Variants in NPAS3 observed in about 807,000 individuals in gnomAD.
NPAS3 encodes neuronal PAS domain protein 3.
In NPAS3, 14 loss-of-function variants were observed where a neutral mutation model predicts 73.1. The ratio of observed to expected loss-of-function variants is 0.19; its 90% CI spans 0.13 to 0.30. The LOEUF is 0.30. Ranked by LOEUF, NPAS3 falls within the 10% of genes least tolerant of loss-of-function variation. The pLI, the probability that NPAS3 is intolerant of heterozygous loss-of-function variation, is 1.00. For synonymous variants in NPAS3, 620 were observed against 541.5 expected (o/e 1.14, Z -2.01); for missense variants, 1,096 against 1,250.0 (o/e 0.88, Z 1.86).
intron 3 of NPAS3, among the ~76,000 whole-genome samples, chr14:33,256,300 T>C (rs1344616054): frequency 6.6e-6 from 1 of 152,242 alleles, no homozygotes; most frequent in Non-Finnish European, 1.5e-5. Flanking sequence ...TCATAAGTGA[T>C]GCATTTAATC....
chr14:33,657,334 T>C (rs2059172422), intron 5 of NPAS3, among the ~76,000 whole-genome samples: 1 of 152,152 alleles, frequency 6.6e-6, no homozygotes, highest in Admixed American at 6.5e-5. Context: ...ATCAGTTTAA[T>C]CAAACCAACA....
Position 32,943,021 on chromosome 14 carries a change from A to G in NPAS3, c.50+3655A>G, listed in dbSNP as rs189302827. Reference sequence around the variant, plus strand: ...GTTATAATGACCTTTATTATGTAAGACCCTCCCTCATTACAACATCTTTTC... The same window carrying G: ...GTTATAATGACCTTTATTATGTAAGGCCCTCCCTCATTACAACATCTTTTC... On this transcript the variant is annotated intron_variant, in intron 1 of 11. Transcript: ENST00000356141. Among the ~76,000 whole-genome samples, 15 of 152,188 alleles carry G rather than the reference A, an allele frequency of 9.9e-5. No individual in the cohort carries two copies. The East Asian group carries it at 2.7e-3, about 27-fold the overall frequency.
intron 4 of NPAS3, among the ~76,000 whole-genome samples, chr14:33,482,685 G>A (rs975736997): frequency 3.3e-5 from 5 of 151,840 alleles, no homozygotes; most frequent in Non-Finnish European, 5.9e-5. Context: ...GCCACACCTG[G>A]CAGAAGAGAC....
intron 5 of NPAS3, among the ~76,000 whole-genome samples, chr14:33,601,817 C>T (rs987595225): frequency 6.6e-6 from 1 of 152,016 alleles, no homozygotes; most frequent in Admixed American, 6.6e-5. Flanking sequence ...AAGTTTGATC[C>T]GATCTGATTT....
intron 7 of NPAS3, among the ~76,000 whole-genome samples, chr14:33,743,781 C>T (rs568710567): frequency 6.6e-6 from 1 of 152,238 alleles, no homozygotes; most frequent in Non-Finnish European, 1.5e-5. Flanking sequence ...GCTAGATCTT[C>T]TGAAGAATTT....
intron 2 of NPAS3, among the ~76,000 whole-genome samples, chr14:33,113,148 A>C (rs1049549248): frequency 6.6e-6 from 1 of 152,202 alleles, no homozygotes; most frequent in East Asian, 1.9e-4. Context: ...TTGGCAATGC[A>C]GGCTCTTTTT....
chr14:33,090,905 A>C (rs2042203132), intron 2 of NPAS3, among the ~76,000 whole-genome samples: 2 of 152,372 alleles, frequency 1.3e-5, no homozygotes, highest in South Asian at 4.1e-4. Context: ...TACTGGGTAC[A>C]TAACGAAATG....
chr14:33,770,796 A>C (rs190210169), intron 7 of NPAS3, among the ~76,000 whole-genome samples: 70 of 152,264 alleles, frequency 4.6e-4, no homozygotes, highest in African/African-American at 1.5e-3. Context: ...GCAACTCGGG[A>C]GGCTGAGGCA....
At chr14:33,447,745 C>G (rs1450756744) in intron 4 of NPAS3, among the ~76,000 whole-genome samples, 1 of 151,996 alleles carries the variant, frequency 6.6e-6, no homozygotes. Context: ...GAGATCTTGT[C>G]TCTACAAAAT....
intron 6 of NPAS3, among the ~76,000 whole-genome samples, chr14:33,716,379 C>T (rs2060957606): frequency 6.6e-6 from 1 of 152,102 alleles, no homozygotes; most frequent in Non-Finnish European, 1.5e-5. Flanking sequence ...TCTATGTCTA[C>T]TTTTGCTTTT....
chr14:33,021,504 A>G (rs1488003822), intron 1 of NPAS3, among the ~76,000 whole-genome samples: 2 of 152,154 alleles, frequency 1.3e-5, no homozygotes, highest in East Asian at 1.9e-4. Context: ...AAACCAGCCT[A>G]CAGACACATT....
intron 6 of NPAS3, among the ~76,000 whole-genome samples, chr14:33,683,449 AAAG>A (rs1344750906): frequency 1.3e-5 from 2 of 151,452 alleles, no homozygotes; most frequent in South Asian, 2.1e-4. Context: ...AAAAAAAAAA[AAAG>A]GTGGCCGTCT....
chr14:33,009,083 T>A lies in NPAS3; in HGVS notation c.51-46822T>A, dbSNP rs371149742. On this transcript the variant is annotated intron_variant, in intron 1 of 11. Coordinates refer to ENST00000356141, the Ensembl canonical transcript of NPAS3. ...ACTGGATAACAACGTAAAAATAATC[T>A]TGTTTATAGGTGGAGAAGAGGCTCT... is the stretch of plus-strand genomic sequence containing the variant. Among the ~76,000 whole-genome samples the A allele has an allele frequency of 7.9e-5, 12 of 152,278 alleles. No homozygotes were observed. In the South Asian group the frequency reaches 2.3e-3, roughly 29 times the overall value.
At chr14:33,015,878 A>G (rs1027395455) in intron 1 of NPAS3, among the ~76,000 whole-genome samples, 2 of 152,238 alleles carry the variant, frequency 1.3e-5, no homozygotes, top group Non-Finnish European at 2.9e-5. Flanking sequence ...ATAGTATTTA[A>G]GTAATATTTT....
At position 33,116,465 on chromosome 14, in the gene NPAS3, GTTAT is replaced by G. The variant is rs60039692; in HGVS notation, c.140+60478_140+60481del. Among the ~76,000 whole-genome samples, 561 of 152,094 alleles carry G rather than the reference GTTAT, an allele frequency of 3.7e-3. 3 individuals carry two copies. Among genetic ancestry groups the G allele is most frequent in the African/African-American group, 0.013 (535 of 41,492 alleles). On this transcript the variant is annotated intron_variant, in intron 2 of 11. Coordinates refer to ENST00000356141, the Ensembl canonical transcript of NPAS3. ...GTATATATATTTAACCTCCTTCCAA[GTTAT>G]TTATTTGATAGACTGCATATGCATT...
intron 3 of NPAS3, among the ~76,000 whole-genome samples, chr14:33,330,995 T>G (rs149050870): frequency 8.5e-5 from 13 of 152,344 alleles, no homozygotes; most frequent in Non-Finnish European, 1.6e-4. Flanking sequence ...TGCCAAAATT[T>G]AAACTATTTA....
chr14:33,266,305 T>G (rs2040813800), intron 3 of NPAS3, among the ~76,000 whole-genome samples: 1 of 152,134 alleles, frequency 6.6e-6, no homozygotes, highest in African/African-American at 2.4e-5. Context: ...TTCAACAGCT[T>G]TGAATACCTG....
At chr14:33,329,625 G>A (rs1415195458) in intron 3 of NPAS3, among the ~76,000 whole-genome samples, 2 of 152,122 alleles carry the variant, frequency 1.3e-5, no homozygotes, top group African/African-American at 4.8e-5. Context: ...TCTCAGAGGA[G>A]GTTGGTGGGG....
intron 1 of NPAS3, among the ~76,000 whole-genome samples, chr14:33,053,739 T>G (rs1160383473): frequency 6.6e-6 from 1 of 152,168 alleles, no homozygotes; most frequent in Non-Finnish European, 1.5e-5. Flanking sequence ...AAGATGTAAA[T>G]GAAAATTACA....
Sources: allele counts gnomAD v4.1 joint callset (sites outside exome capture counted in the v4.1 genomes callset), GRCh38; gene constraint gnomAD v4.1.1; transcripts MANE v1.5; gene names NCBI Gene and HGNC (gene_info 2026-07-23, HGNC 2026-07-21).